The following FREM1 variants were observed in gnomAD, a reference collection of about 807,000 sequenced individuals.
FREM1 encodes FRAS1 related extracellular matrix 1.
In FREM1, 220 loss-of-function variants were observed where a neutral mutation model predicts 210.1. That is an observed-to-expected ratio of 1.05 (90% CI 0.94 to 1.17). The LOEUF (loss-of-function observed/expected upper bound fraction) is 1.17. FREM1 is among the 50% of genes most tolerant of loss of function. FREM1 has a pLI of 0.00. For synonymous variants in FREM1, 1,189 were observed against 980.2 expected (o/e 1.21, Z -3.98); for missense variants, 3,454 against 2,675.5 (o/e 1.29, Z -6.42).
intron 10 of FREM1, among the ~76,000 whole-genome samples, chr9:14,841,081 T>C (rs978657533): frequency 6.6e-5 from 10 of 152,294 alleles, no homozygotes; most frequent in African/African-American, 2.4e-4. Context: ...GACCAGTCAG[T>C]CAGTGTCAAG....
chr9:14,825,300 C>A (rs1305183237), intron 10 of FREM1, among the ~76,000 whole-genome samples: 1 of 151,448 alleles, frequency 6.6e-6, no homozygotes, highest in East Asian at 2.0e-4. Context: ...ACAGCCTGGC[C>A]AACATAGTGA....
In FREM1 at chr9:14,768,596, A is replaced by C. The variant is rs77616250; in HGVS notation, c.5204+1128T>G. On this transcript the variant is annotated intron_variant, in intron 27 of 36. Transcript: ENST00000380880. ...CCACTCGATAAAAGTCTGTGGAGTT[A>C]ATAAATCTGGGCCAGGCTCTGCATT... Among the ~76,000 whole-genome samples, 975 of 152,220 alleles carry C rather than the reference A, an allele frequency of 6.4e-3. 11 individuals carry two copies. The highest frequency in any genetic ancestry group is 0.022 in the African/African-American group (931 of 41,532).
In FREM1 at chr9:14,778,681, GAGGGAAGGGAAGGGA is replaced by G. The variant is rs1197881325; in HGVS notation, c.4443-2493_4443-2479del. Among the ~76,000 whole-genome samples, 68 of 11,212 alleles carry G rather than the reference GAGGGAAGGGAAGGGA, an allele frequency of 6.1e-3. 1 individual carries two copies. Among genetic ancestry groups the G allele is most frequent in the Non-Finnish European group, 7.7e-3 (39 of 5,034 alleles). 7.4% of individuals were successfully genotyped at this position (11,212 alleles called of 152,430 possible). On this transcript the variant is annotated intron_variant, in intron 24 of 36. Transcript: ENST00000380880. ...GGGGAGGGAGGGGAGGGAGGGGAGG[GAGGGAAGGGAAGGGA>G]AGGGAAGGGAAGGGAAGGGAAGGGA...
chr9:14,848,115 T>G (rs1053627640), intron 7 of FREM1, among the ~76,000 whole-genome samples: 1 of 152,174 alleles, frequency 6.6e-6, no homozygotes, highest in African/African-American at 2.4e-5. Context: ...ATTGATGGGA[T>G]CAGTGAGAAG....
At chr9:14,768,528 C>T (rs1846888433) in intron 27 of FREM1, among the ~76,000 whole-genome samples, 1 of 152,016 alleles carries the variant, frequency 6.6e-6, no homozygotes, top group South Asian at 2.1e-4. Context: ...TTTGCTCTAA[C>T]CTATTCCCCA....
chr9:14,817,687 T>C (rs370314938), intron 14 of FREM1, among the ~76,000 whole-genome samples: 87 of 152,244 alleles, frequency 5.7e-4, no homozygotes, highest in Non-Finnish European at 8.5e-4. Context: ...ACATGTATAA[T>C]CTTTAACTAT....
intron 21 of FREM1, among the ~76,000 whole-genome samples, chr9:14,794,501 C>G (rs1028786196): frequency 3.3e-5 from 5 of 152,178 alleles, no homozygotes; most frequent in African/African-American, 1.2e-4. Context: ...GGGACACTGA[C>G]ATGGCAAATT....
At chr9:14,888,987 T>G (rs139345718) in intron 1 of FREM1, among the ~76,000 whole-genome samples, 3 of 152,218 alleles carry the variant, frequency 2.0e-5, no homozygotes, top group African/African-American at 7.2e-5. Context: ...TAATGTTCTA[T>G]TGTAAGCATT....
chr9:14,876,244 T>G (rs966513606), intron 1 of FREM1, among the ~76,000 whole-genome samples: 2 of 152,102 alleles, frequency 1.3e-5, no homozygotes, highest in Non-Finnish European at 2.9e-5. Flanking sequence ...CAGAGGTTAC[T>G]GCTGTCTTTT....
intron 1 of FREM1, among the ~76,000 whole-genome samples, chr9:14,889,056 A>G (rs1836316619): frequency 6.6e-6 from 1 of 152,222 alleles, no homozygotes; most frequent in Admixed American, 6.5e-5. Context: ...TATAGCCACT[A>G]GATGGGTGTA....
At position 14,811,223 on chromosome 9, in the gene FREM1, C is replaced by T. The variant is rs112133909; in HGVS notation, c.2893+1589G>A. Among the ~76,000 whole-genome samples the T allele has an allele frequency of 9.7e-3, 1,462 of 151,500 alleles. 18 individuals carry two copies. Among genetic ancestry groups the T allele is most frequent in the African/African-American group, 0.032 (1,323 of 41,426 alleles). On this transcript the variant is annotated intron_variant, in intron 16 of 36. Coordinates refer to ENST00000380880, the MANE Select transcript of FREM1 (RefSeq NM_001379081.2). The stretch of plus-strand genomic sequence containing the variant: ...GCCGTCTATTTGAAATAATTTGCCC[C>T]AATGTCCTACTGGGTTTTATTTTAA...
At chr9:14,851,753 G>A in intron 5 of FREM1, 146 bp from the exon 6 acceptor site, 1 of 716,024 alleles carries the variant, frequency 1.4e-6, no homozygotes, top group Non-Finnish European at 2.4e-6. Context: ...ATCACCTGGG[G>A]AGCTTTAAAC....
chr9:14,762,783 T>C (rs556552840), intron 27 of FREM1, among the ~76,000 whole-genome samples: 1 of 138,970 alleles, frequency 7.2e-6, no homozygotes, highest in South Asian at 2.3e-4. Flanking sequence ...CTTTTTGCAG[T>C]AGTATATTTG....
chr9:14,873,110 G>T (rs889420445), intron 1 of FREM1, among the ~76,000 whole-genome samples: 47 of 152,144 alleles, frequency 3.1e-4, no homozygotes, highest in African/African-American at 1.1e-3. Flanking sequence ...TGTTCATCAA[G>T]GATATTGGTC....
chr9:14,759,409 C>T (rs1361209796), intron 28 of FREM1, among the ~76,000 whole-genome samples: 1 of 148,298 alleles, frequency 6.7e-6, no homozygotes, highest in Admixed American at 6.9e-5. Flanking sequence ...ACTCGGGAGC[C>T]TGAGGCAGGA....
chr9:14,776,860 G>A (rs942235023), intron 24 of FREM1, among the ~76,000 whole-genome samples: 12 of 152,146 alleles, frequency 7.9e-5, no homozygotes, highest in African/African-American at 2.7e-4. Context: ...TCTAAAATAT[G>A]ACGGGAGGCT....
intron 29 of FREM1, among the ~76,000 whole-genome samples, chr9:14,751,370 C>T (rs777668756): frequency 3.9e-5 from 6 of 152,194 alleles, no homozygotes; most frequent in African/African-American, 7.2e-5. Context: ...AACTCTTGGC[C>T]GGGTGCAGTG....
At chr9:14,847,267 C>A (rs1430870422) in intron 7 of FREM1, among the ~76,000 whole-genome samples, 1 of 152,032 alleles carries the variant, frequency 6.6e-6, no homozygotes, top group African/African-American at 2.4e-5. Context: ...GACACCAGCT[C>A]AGCCATGCGT....
At chr9:14,840,588 C>T (rs758854943) in intron 10 of FREM1, among the ~76,000 whole-genome samples, 9 of 152,180 alleles carry the variant, frequency 5.9e-5, no homozygotes, top group Non-Finnish European at 1.3e-4. Flanking sequence ...ACAGGAAAAA[C>T]CCACCCCCAT....
Sources: gnomAD v4.1 joint callset for allele counts (sites outside exome capture counted in the v4.1 genomes callset) on GRCh38, gnomAD v4.1.1 for gene constraint, MANE v1.5 for transcripts, NCBI Gene and HGNC (gene_info 2026-07-23, HGNC 2026-07-21) for gene names.